RCAN2: variants seen among roughly 807,000 people sequenced by gnomAD.
RCAN2 encodes the protein regulator of calcineurin 2.
Under a neutral mutation model 23.6 loss-of-function variants are expected in RCAN2, and 9 were observed. The observed-to-expected ratio is 0.38, with a 90% CI of 0.23 to 0.67. The LOEUF (loss-of-function observed/expected upper bound fraction) is 0.67. RCAN2 is among the 30% of genes least tolerant of loss of function. RCAN2 has a pLI of 0.51. For synonymous variants in RCAN2, 109 were observed against 115.7 expected (o/e 0.94, Z 0.37); for missense variants, 273 against 302.3 (o/e 0.90, Z 0.72).
At chr6:46,460,057 T>C (rs987005178) in intron 1 of RCAN2, among the ~76,000 whole-genome samples, 1 of 139,592 alleles carries the variant, frequency 7.2e-6, no homozygotes, top group East Asian at 2.0e-4. Context: ...TCTGTTGTTG[T>C]TTTTTTTTTC....
intron 2 of RCAN2, among the ~76,000 whole-genome samples, chr6:46,386,713 G>A (rs1765767895): frequency 6.6e-6 from 1 of 150,940 alleles, no homozygotes; most frequent in Admixed American, 6.6e-5. Flanking sequence ...CAACAGTTAA[G>A]CTACCAATGA....
Position 46,488,611 on chromosome 6 carries a change from G to A in RCAN2, c.-3+2562C>T, listed in dbSNP as rs574925172. ...GTAGAAGGTTAGCACCAGAAATGAA[G>A]AAATTACATTTGAAAATAAAAGTGC... On this transcript the variant is annotated intron_variant, in intron 1 of 4. Coordinates refer to ENST00000371374, the MANE Select transcript of RCAN2 (RefSeq NM_001251974.2). 3.9e-5 allele frequency among the ~76,000 whole-genome samples: 6 copies of A among 152,260 alleles called. No individual in the cohort carries two copies. In the South Asian group the frequency reaches 1.2e-3, roughly 32 times the overall value.
intron 2 of RCAN2, among the ~76,000 whole-genome samples, chr6:46,261,949 G>A (rs1582041449): frequency 6.6e-6 from 1 of 152,308 alleles, no homozygotes; most frequent in Middle Eastern, 3.4e-3. Flanking sequence ...GTGAGCAAAG[G>A]ATAAAGATGC....
At chr6:46,448,547 A>G (rs1767780292) in intron 2 of RCAN2, among the ~76,000 whole-genome samples, 1 of 151,882 alleles carries the variant, frequency 6.6e-6, no homozygotes, top group African/African-American at 2.4e-5. Context: ...ATAGACCAAT[A>G]TCCCTAATGA....
chr6:46,234,993 A>G (rs1056177978), intron 4 of RCAN2, among the ~76,000 whole-genome samples: 4 of 152,196 alleles, frequency 2.6e-5, no homozygotes, highest in Admixed American at 2.6e-4. Flanking sequence ...CACTTGCCAC[A>G]ATTGCAGAGA....
chr6:46,354,756 T>C (rs913350783), intron 2 of RCAN2, among the ~76,000 whole-genome samples: 3 of 152,248 alleles, frequency 2.0e-5, no homozygotes, highest in African/African-American at 7.2e-5. Context: ...ACCCAATGTT[T>C]AAATGTTTTA....
chr6:46,292,801 C>T (rs1368299323), intron 2 of RCAN2, among the ~76,000 whole-genome samples: 2 of 151,994 alleles, frequency 1.3e-5, no homozygotes, highest in African/African-American at 4.8e-5. Flanking sequence ...TATACATGTG[C>T]CATGGTGGTT....
rs75300020 is a variant in RCAN2 at position 46,288,121 on chromosome 6, C to T, written c.226-39225G>A. Among the ~76,000 whole-genome samples the T allele has an allele frequency of 2.6e-3, 400 of 152,294 alleles. 1 individual carries two copies. Among genetic ancestry groups the T allele is most frequent in the African/African-American group, 9.0e-3 (374 of 41,574 alleles). The stretch of plus-strand genomic sequence containing the variant: ...AAGAACACAGTCAAGCTTTCAGTAG[C>T]AGACTCCCTCTTTTTGCTGTCAGAA... On this transcript the variant is annotated intron_variant, in intron 2 of 4. Coordinates refer to ENST00000371374, the MANE Select transcript of RCAN2 (RefSeq NM_001251974.2).
chr6:46,312,941 C>T lies in RCAN2; in HGVS notation c.226-64045G>A, dbSNP rs78560432. 2.3e-3 allele frequency among the ~76,000 whole-genome samples: 343 copies of T among 152,312 alleles called. 4 individuals carry two copies. Among genetic ancestry groups the T allele is most frequent in the African/African-American group, 7.9e-3 (329 of 41,574 alleles). On this transcript the variant is annotated intron_variant, in intron 2 of 4. Coordinates refer to ENST00000371374, the MANE Select transcript of RCAN2 (RefSeq NM_001251974.2). Reference sequence around the variant, plus strand: ...AGTCAGACTAGGCAATGAGCCACTCCTCTGCTGAACATGCTTCCCATGACC... The same window carrying T: ...AGTCAGACTAGGCAATGAGCCACTCTTCTGCTGAACATGCTTCCCATGACC...
chr6:46,324,408 G>A (rs116081998), intron 2 of RCAN2, among the ~76,000 whole-genome samples: 1 of 152,170 alleles, frequency 6.6e-6, no homozygotes, highest in Non-Finnish European at 1.5e-5. Flanking sequence ...AAGCACCAGG[G>A]TGTCACCTGC....
intron 4 of RCAN2, among the ~76,000 whole-genome samples, chr6:46,227,075 A>G (rs1420255153): frequency 6.6e-6 from 1 of 152,154 alleles, no homozygotes; most frequent in Non-Finnish European, 1.5e-5. Flanking sequence ...TTCTATTTAT[A>G]TGATGGATTA....
intron 2 of RCAN2, among the ~76,000 whole-genome samples, chr6:46,311,040 A>G (rs148178659): frequency 1.3e-5 from 2 of 152,202 alleles, no homozygotes; most frequent in Non-Finnish European, 2.9e-5. Context: ...CTTTAGGTAC[A>G]TTCTTATTTC....
intron 2 of RCAN2, among the ~76,000 whole-genome samples, chr6:46,356,628 A>C (rs1384509273): frequency 6.6e-6 from 1 of 152,174 alleles, no homozygotes; most frequent in Non-Finnish European, 1.5e-5. Flanking sequence ...TTCGTGCCTC[A>C]GGTGGGCTGG....
chr6:46,356,219 G>A (rs893147580), intron 2 of RCAN2, among the ~76,000 whole-genome samples: 6 of 152,172 alleles, frequency 3.9e-5, no homozygotes, highest in East Asian at 1.9e-4. Context: ...AAACCTGCCC[G>A]GATCAGTAAG....
intron 2 of RCAN2, among the ~76,000 whole-genome samples, chr6:46,287,005 CAA>C (rs1346419245): frequency 1.4e-5 from 2 of 139,716 alleles, no homozygotes; most frequent in Non-Finnish European, 1.6e-5. Context: ...AACTCTATCT[CAA>C]AAAAAAAAAA....
At chr6:46,364,993 A>C (rs1466721338) in intron 2 of RCAN2, among the ~76,000 whole-genome samples, 1 of 152,002 alleles carries the variant, frequency 6.6e-6, no homozygotes, top group Non-Finnish European at 1.5e-5. Context: ...TCAAGTCTTT[A>C]CTCAACTATC....
At chr6:46,356,800 A>C (rs765178894) in intron 2 of RCAN2, among the ~76,000 whole-genome samples, 2 of 152,204 alleles carry the variant, frequency 1.3e-5, no homozygotes, top group Non-Finnish European at 2.9e-5. Flanking sequence ...GGAGGAACAC[A>C]GATATTGCTT....
At chr6:46,277,692 A>T (rs1306068935) in intron 2 of RCAN2, among the ~76,000 whole-genome samples, 1 of 151,664 alleles carries the variant, frequency 6.6e-6, no homozygotes, top group Non-Finnish European at 1.5e-5. Flanking sequence ...AATATTTTTT[A>T]TTTATGCCAG....
chr6:46,386,995 A>C (rs1029719210), intron 2 of RCAN2, among the ~76,000 whole-genome samples: 4 of 152,246 alleles, frequency 2.6e-5, no homozygotes, highest in African/African-American at 9.6e-5. Context: ...AAAACAAGAA[A>C]TGTGGAAAGG....
Sources: allele counts gnomAD v4.1 joint callset (sites outside exome capture counted in the v4.1 genomes callset), GRCh38; gene constraint gnomAD v4.1.1; transcripts MANE v1.5; gene names NCBI Gene and HGNC (gene_info 2026-07-23, HGNC 2026-07-21).